CCSER1: variants seen among roughly 807,000 people sequenced by gnomAD.
The protein encoded by CCSER1 is coiled-coil serine rich protein 1.
A neutral mutation model predicts 82.0 loss-of-function variants in CCSER1; 41 were observed. The ratio of observed to expected loss-of-function variants is 0.50; its 90% CI spans 0.39 to 0.65. The LOEUF (loss-of-function observed/expected upper bound fraction) is 0.65. Among genes scored for constraint, CCSER1 ranks in the 30% least tolerant of loss-of-function variants. The probability of loss-of-function intolerance (pLI) is 0.00; values close to 1 mark genes in which losing one functional copy is unlikely to be tolerated. For missense variants in CCSER1, 1,119 were observed against 1,064.2 expected, an observed-to-expected ratio of 1.05 and a Z score of -0.72; for synonymous variants, 414 against 383.9, an observed-to-expected ratio of 1.08 and a Z score of -0.92.
At chr4:90,799,716 A>C (rs537413135) in intron 7 of CCSER1, among the ~76,000 whole-genome samples, 1 of 152,322 alleles carries the variant, frequency 6.6e-6, no homozygotes, top group South Asian at 2.1e-4. Flanking sequence ...GGAGCAAGTC[A>C]AACCAAGGGG....
intron 4 of CCSER1, among the ~76,000 whole-genome samples, chr4:90,456,024 G>C (rs1762124921): frequency 1.3e-5 from 2 of 152,112 alleles, no homozygotes; most frequent in Admixed American, 6.5e-5. Context: ...AAACTGGTGG[G>C]GCAGCCCATC....
At chr4:90,340,773 G>A (rs1297413131) in intron 3 of CCSER1, among the ~76,000 whole-genome samples, 7 of 151,964 alleles carry the variant, frequency 4.6e-5, no homozygotes, top group Non-Finnish European at 1.0e-4. Context: ...TTCAATCAAA[G>A]TACAGTTTAA....
chr4:91,324,935 A>G (rs924251263), intron 10 of CCSER1, among the ~76,000 whole-genome samples: 15 of 152,172 alleles, frequency 9.9e-5, no homozygotes, highest in Non-Finnish European at 1.5e-4. Context: ...CACATGACGA[A>G]TTGTAATCCC....
chr4:91,589,747 T>C (rs1183350573), intron 10 of CCSER1, among the ~76,000 whole-genome samples: 1 of 152,004 alleles, frequency 6.6e-6, no homozygotes, highest in Non-Finnish European at 1.5e-5. Flanking sequence ...GGAATACCAG[T>C]TGTGCAGAAT....
intron 1 of CCSER1, among the ~76,000 whole-genome samples, chr4:90,147,451 T>A (rs1726025473): frequency 6.6e-6 from 1 of 152,158 alleles, no homozygotes; most frequent in African/African-American, 2.4e-5. Flanking sequence ...TTGTTTCTGG[T>A]TTATTAAAAT....
intron 7 of CCSER1, among the ~76,000 whole-genome samples, chr4:90,763,332 G>A (rs1047652257): frequency 6.6e-6 from 1 of 152,012 alleles, no homozygotes; most frequent in African/African-American, 2.4e-5. Context: ...TTTGGGAGGA[G>A]AGCCATTTGT....
At chr4:90,328,918 A>G (rs533398813) in intron 3 of CCSER1, among the ~76,000 whole-genome samples, 22 of 152,338 alleles carry the variant, frequency 1.4e-4, no homozygotes, top group African/African-American at 5.1e-4. Context: ...TAAAAATAAA[A>G]AAAGTAATAA....
chr4:91,314,855 C>G (rs574414030), intron 10 of CCSER1, among the ~76,000 whole-genome samples: 2 of 151,972 alleles, frequency 1.3e-5, no homozygotes, highest in Non-Finnish European at 2.9e-5. Context: ...TTAAGATTCC[C>G]TCAGAAGCAG....
rs546210760 is a variant in CCSER1 at position 91,414,840 on chromosome 4, A to C, written c.2218-183732A>C. On this transcript the variant is annotated intron_variant, in intron 10 of 10. Transcript: ENST00000509176. ...AAGAAGGTCATTATATAAAATCATT[A>C]TATAATGGGTTGATTGATTCAAGAG... Among the ~76,000 whole-genome samples the C allele has an allele frequency of 2.6e-5, 4 of 152,334 alleles. No individual in the cohort carries two copies. In the East Asian group the frequency reaches 7.7e-4, roughly 29 times the overall value.
chr4:90,253,899 C>T (rs138540330), intron 1 of CCSER1, among the ~76,000 whole-genome samples: 1 of 152,166 alleles, frequency 6.6e-6, no homozygotes, highest in Non-Finnish European at 1.5e-5. Flanking sequence ...TTAGCCTTCA[C>T]TAATTGCTAG....
intron 10 of CCSER1, among the ~76,000 whole-genome samples, chr4:91,396,613 T>C (rs1338658628): frequency 1.3e-5 from 2 of 152,040 alleles, no homozygotes; most frequent in African/African-American, 4.8e-5. Context: ...ATTGTCATAA[T>C]TGAAGTTGCC....
chr4:90,981,621 A>G (rs1736120610), intron 9 of CCSER1, among the ~76,000 whole-genome samples: 1 of 151,872 alleles, frequency 6.6e-6, no homozygotes, highest in African/African-American at 2.4e-5. Context: ...TGTCACATAC[A>G]GGCACTCAGT....
At position 90,747,845 on chromosome 4, in the gene CCSER1, T is replaced by C. The variant is rs528821089; in HGVS notation, c.2010+23854T>C. ...AGTCCCCAGAGTGTGATGTTCCCCT[T>C]CCTGTGTCCATGTGTTCTCATTGTT... is the stretch of plus-strand genomic sequence containing the variant. On this transcript the variant is annotated intron_variant, in intron 7 of 10. Coordinates refer to ENST00000509176, the MANE Select transcript of CCSER1 (RefSeq NM_001145065.2). Among the ~76,000 whole-genome samples the C allele has an allele frequency of 1.2e-4, 17 of 136,820 alleles. No individual in the cohort carries two copies. The East Asian group carries it at 3.6e-3, about 29-fold the overall frequency. 89.8% of individuals were successfully genotyped at this position (136,820 alleles called of 152,430 possible).
rs200701722 is a variant in CCSER1 at position 90,782,681 on chromosome 4, C to CTTTTTTTTTTTTTTT, written c.2011-33078_2011-33077insTTTTTTTTTTTTTTT. 1.3e-4 allele frequency among the ~76,000 whole-genome samples: 16 copies of CTTTTTTTTTTTTTTT among 123,970 alleles called. 2 individuals carry two copies. The highest frequency in any genetic ancestry group is 3.6e-4 in the African/African-American group (12 of 33,386). 81.3% of individuals were successfully genotyped at this position (123,970 alleles called of 152,430 possible). ...GGACAGGGATTTCTTTCTTTTCTTTCTTTCTTTTTTTTTTTTTTTTGAGAC... is the reference window on the plus strand; with the variant it reads ...GGACAGGGATTTCTTTCTTTTCTTTCTTTTTTTTTTTTTTTTTTCTTTTTTTTTTTTTTTTGAGAC... On this transcript the variant is annotated intron_variant, in intron 7 of 10. Coordinates refer to ENST00000509176, the MANE Select transcript of CCSER1 (RefSeq NM_001145065.2).
intron 6 of CCSER1, 120 bp downstream of exon 6, chr4:90,628,352 C>A: frequency 1.4e-6 from 1 of 696,860 alleles, no homozygotes; most frequent in South Asian, 1.9e-5. Flanking sequence ...GGTCAGGTTT[C>A]CTCTTGGAGC....
chr4:90,313,063 T>C lies in CCSER1; in HGVS notation c.1509+16T>C. ...GAACAGTTTGGTAAGTATATACATA[T>C]GTCTGCCTCTAATAAAATAATGCTG... is the stretch of plus-strand genomic sequence containing the variant. On this transcript the variant is annotated intron_variant, in intron 3 of 10. Coordinates refer to ENST00000509176, the MANE Select transcript of CCSER1 (RefSeq NM_001145065.2). 6.4e-7 allele frequency: 1 copy of C among 1,562,484 alleles called. No individual in the cohort carries two copies. Among genetic ancestry groups the C allele is most frequent in the Non-Finnish European group, 8.7e-7 (1 of 1,143,914 alleles).
At chr4:90,269,250 A>G (rs576304377) in intron 1 of CCSER1, among the ~76,000 whole-genome samples, 2 of 152,274 alleles carry the variant, frequency 1.3e-5, no homozygotes, top group East Asian at 3.9e-4. Context: ...TCCTTAGCAC[A>G]GGGATCATTC....
chr4:91,093,064 A>G (rs1465544644), intron 10 of CCSER1, among the ~76,000 whole-genome samples: 2 of 152,202 alleles, frequency 1.3e-5, no homozygotes, highest in African/African-American at 2.4e-5. Context: ...AGGCATATCA[A>G]GAGTCAGTAT....
intron 10 of CCSER1, among the ~76,000 whole-genome samples, chr4:91,589,019 TG>T (rs1764141778): frequency 6.6e-6 from 1 of 151,856 alleles, no homozygotes; most frequent in Non-Finnish European, 1.5e-5. Context: ...TTACTTGTAT[TG>T]TTTGTACTAT....
Sources: allele counts gnomAD v4.1 joint callset (sites outside exome capture counted in the v4.1 genomes callset), GRCh38; gene constraint gnomAD v4.1.1; transcripts MANE v1.5; gene names NCBI Gene and HGNC (gene_info 2026-07-23, HGNC 2026-07-21).